Variants in TRRAP observed in about 807,000 individuals in gnomAD.
TRRAP encodes transformation/transcription domain-associated protein.
In TRRAP, 41 loss-of-function variants were observed where a neutral mutation model predicts 438.8. The ratio of observed to expected loss-of-function variants is 0.09; its 90% CI spans 0.07 to 0.12. The LOEUF is 0.12. TRRAP is among the 10% of genes least tolerant of loss of function. The pLI is 1.00. For synonymous variants in TRRAP, 1,994 were observed against 1,962.9 expected (o/e 1.02, Z -0.42); for missense variants, 3,122 against 5,055.1 (o/e 0.62, Z 11.60).
At chr7:98,947,707 C>A (rs1791149746) in intron 33 of TRRAP, among the ~76,000 whole-genome samples, 1 of 152,180 alleles carries the variant, frequency 6.6e-6, no homozygotes, top group South Asian at 2.1e-4. Flanking sequence ...CCACCCGCCT[C>A]AGCCTCCCAA....
intron 65 of TRRAP, among the ~76,000 whole-genome samples, 168 bp from the exon 66 acceptor site, chr7:98,993,370 C>T (rs1396784299): frequency 2.0e-5 from 3 of 152,270 alleles, no homozygotes; most frequent in African/African-American, 7.2e-5. Context: ...AGCGCACCTG[C>T]GCCTAGAACC....
At chr7:98,953,661 C>T (rs1376094406) in intron 40 of TRRAP, among the ~76,000 whole-genome samples, 2 of 152,004 alleles carry the variant, frequency 1.3e-5, no homozygotes, top group Non-Finnish European at 1.5e-5. Flanking sequence ...GGGTGGGGAG[C>T]GAGTATTGAA....
At chr7:98,972,542 C>T (rs1168046658) in intron 53 of TRRAP, among the ~76,000 whole-genome samples, 1 of 152,206 alleles carries the variant, frequency 6.6e-6, no homozygotes, top group African/African-American at 2.4e-5. Context: ...AACTGGGGGC[C>T]TCCAGGTGCA....
intron 65 of TRRAP, among the ~76,000 whole-genome samples, chr7:98,992,573 G>C (rs1793477097): frequency 6.6e-6 from 1 of 151,492 alleles, no homozygotes; most frequent in Middle Eastern, 3.4e-3. Context: ...GTGTGTGTGT[G>C]TGTGTGTGTG....
intron 58 of TRRAP, among the ~76,000 whole-genome samples, chr7:98,981,049 C>CA (rs1163551940): frequency 3.3e-5 from 5 of 151,424 alleles, no homozygotes; most frequent in Non-Finnish European, 5.9e-5. Flanking sequence ...GACCCTGTCT[C>CA]AAAAAAAATC....
At chr7:98,969,985 T>G (rs1584375810) in intron 51 of TRRAP, 127 bp from the exon 52 acceptor site, 1 of 1,116,032 alleles carries the variant, frequency 9.0e-7, no homozygotes. Context: ...TGGGAAAGGG[T>G]GCTGAGCTCA....
rs1421755621 is a variant in TRRAP at position 98,955,309 on chromosome 7, G to A, written c.5937+5G>A. ...CTGATAGTGCAACACTTCAAGGTGT[G>A]TAGGAGGGACGGTGGGCTGCGGGGC... is the stretch of plus-strand genomic sequence containing the variant. On this transcript the variant is annotated splice_donor_5th_base_variant and intron_variant, in intron 41 of 72. Coordinates refer to ENST00000456197, the MANE Select transcript of TRRAP (RefSeq NM_001375524.1). The A allele has an allele frequency of 2.5e-6, 4 of 1,601,156 alleles. No individual in the cohort carries two copies. The African/African-American group carries it at 4.0e-5, about 16-fold the overall frequency.
At chr7:98,946,042 G>T in intron 33 of TRRAP, 92 bp downstream of exon 33, 1 of 1,282,500 alleles carries the variant, frequency 7.8e-7, no homozygotes, top group Non-Finnish European at 1.0e-6. Flanking sequence ...GTACTGGACA[G>T]AGTGCGTTGT....
intron 30 of TRRAP, among the ~76,000 whole-genome samples, chr7:98,940,345 C>G (rs1359226631): frequency 6.6e-6 from 1 of 152,004 alleles, no homozygotes; most frequent in Non-Finnish European, 1.5e-5. Flanking sequence ...CCTGCCGCCA[C>G]GCCCAGCTAA....
chr7:98,985,918 AC>A (rs1793131326), intron 62 of TRRAP, among the ~76,000 whole-genome samples: 1 of 151,964 alleles, frequency 6.6e-6, no homozygotes, highest in Non-Finnish European at 1.5e-5. Flanking sequence ...CCCCAAGTAA[AC>A]CCTGTATCTG....
At chr7:98,889,123 TC>T (rs2098500002) in intron 3 of TRRAP, among the ~76,000 whole-genome samples, 1 of 149,616 alleles carries the variant, frequency 6.7e-6, no homozygotes, top group African/African-American at 2.5e-5. Context: ...GCTCCAGTGA[TC>T]CTCCCACTTC....
rs1584397097 is a variant in TRRAP, at chr7:98,988,887, T to C, written c.9512T>C (p.Leu3171Pro). Residue 3171 changes from leucine (L) to proline (P), a missense_variant, in exon 63 of 73, where the codon CTG becomes CCG. Physicochemically the swap from Leu to Pro is moderately conservative, Grantham distance 98. Transcript: ENST00000456197. Reference sequence around the variant, plus strand: ...TTTGTGAAGGAGCGGCAGCTGCACCTGGGCGTGTCTGCCATCACCTGCTAC... The same window carrying C: ...TTTGTGAAGGAGCGGCAGCTGCACCCGGGCGTGTCTGCCATCACCTGCTAC... The part of the protein sequence containing the change: ...NIFVKERQLH[L>P]GVSAITCYLH... 1 of 1,614,174 alleles carries C rather than the reference T, an allele frequency of 6.2e-7. No individual in the cohort carries two copies. Among genetic ancestry groups the C allele is most frequent in the East Asian group, 2.2e-5 (1 of 44,872 alleles).
At chr7:98,894,020 TTA>T in intron 6 of TRRAP, 139 bp downstream of exon 6, 1 of 743,186 alleles carries the variant, frequency 1.3e-6, no homozygotes. Context: ...GGGCAATTCT[TTA>T]TGAGTTTAAC....
At position 98,994,075 on chromosome 7, in the gene TRRAP, A is replaced by G. The variant is rs1013664159; in HGVS notation, c.10047+338A>G. ...TGAGTAACAGGGTTATAATTTCCAT[A>G]GATGGGAAATTGTAGGGATGTGGGG... is the stretch of plus-strand genomic sequence containing the variant. On this transcript the variant is annotated intron_variant, in intron 66 of 72. Transcript: ENST00000456197. This position sits in a 1 kb window ranked among gnomAD's most constrained non-coding sequence, Gnocchi z 4.8. Among the ~76,000 whole-genome samples, 1 of 152,164 alleles carries G rather than the reference A, an allele frequency of 6.6e-6. No homozygotes were observed. The highest frequency in any genetic ancestry group is 1.5e-5 in the Non-Finnish European group (1 of 68,032).
In TRRAP at chr7:99,008,443, T is replaced by A; in HGVS notation, c.10820T>A (p.Leu3607His). The part of the protein sequence containing the change: ...LVEDNPSSLS[L>H]VEIYKQRCAK... ...GAGGACAACCCCTCTTCACTTTCCC[T>A]TGTGGAGATCTACAAGCAGCGCTGC... The change falls in exon 70 of 73, where the codon CTT (leucine) becomes CAT (histidine). Residue 3607 changes from leucine (L) to histidine (H), a missense_variant. Coordinates refer to ENST00000456197, the MANE Select transcript of TRRAP (RefSeq NM_001375524.1). 6.2e-7 allele frequency: 1 copy of A among 1,613,808 alleles called. No homozygotes were observed. Among genetic ancestry groups the A allele is most frequent in the Non-Finnish European group, 8.5e-7 (1 of 1,179,918 alleles).
intron 67 of TRRAP, chr7:98,999,801 T>G (rs555885781): frequency 3.4e-4 from 183 of 532,072 alleles, no homozygotes; most frequent in African/African-American, 3.3e-3. Context: ...TGAAGTTCTG[T>G]GGCAAATCCC....
Position 98,949,425 on chromosome 7 carries a change from A to G in TRRAP, c.4797A>G (p.Leu1599=). The G allele has an allele frequency of 6.5e-7, 1 of 1,537,418 alleles. No homozygotes were observed. Among genetic ancestry groups the G allele is most frequent in the Non-Finnish European group, 8.7e-7 (1 of 1,146,052 alleles). Residue 1599 remains leucine (L), a synonymous_variant, in exon 36 of 73, where the codon TTA becomes TTG. Coordinates refer to ENST00000456197, the MANE Select transcript of TRRAP (RefSeq NM_001375524.1). The part of the protein sequence containing the change: ...PQWSRMFMSF[L]KHKDARPLRD... ...ATTTGTTTTGCTTTCAGAGTTTTTT[A>G]AAACACAAAGACGCCAGACCTCTGC...
chr7:98,897,703 T>C (rs1554405979), intron 7 of TRRAP, 38 bp from the exon 8 acceptor site: 2 of 1,590,980 alleles, frequency 1.3e-6, no homozygotes, highest in Non-Finnish European at 1.7e-6. Flanking sequence ...ATATTGGGTT[T>C]GACTTTAGGA....
intron 70 of TRRAP, among the ~76,000 whole-genome samples, chr7:99,010,280 T>C (rs995735660): frequency 2.0e-5 from 3 of 152,228 alleles, no homozygotes; most frequent in African/African-American, 7.2e-5. Context: ...ACAAAGTTGA[T>C]TTTGATGGTT....
Sources: gnomAD v4.1 joint callset for allele counts (sites outside exome capture counted in the v4.1 genomes callset) on GRCh38, gnomAD v4.1.1 for gene constraint, Gnocchi (gnomAD v3.1) non-coding constraint, MANE v1.5 for transcripts, NCBI Gene and HGNC (gene_info 2026-07-23, HGNC 2026-07-21) for gene names.